NFRKB: variants seen among roughly 807,000 people sequenced by gnomAD.
NFRKB encodes the protein nuclear factor related to kappaB binding protein.
In NFRKB, 62 loss-of-function variants were observed where a neutral mutation model predicts 135.7. The ratio of observed to expected loss-of-function variants is 0.46; its 90% CI spans 0.37 to 0.56. NFRKB has a LOEUF of 0.56. Among genes scored for constraint, NFRKB ranks in the 20% least tolerant of loss-of-function variants. The pLI, the probability that NFRKB is intolerant of heterozygous loss-of-function variation, is 0.00. For missense variants in NFRKB, 1,545 were observed against 1,662.0 expected (o/e 0.93, Z 1.22); for synonymous variants, 678 against 635.6 (o/e 1.07, Z -1.00).
At chr11:129,868,581 G>A (rs1229164984) in intron 24 of NFRKB, among the ~76,000 whole-genome samples, 5 of 152,142 alleles carry the variant, frequency 3.3e-5, no homozygotes, top group Non-Finnish European at 7.3e-5. Context: ...CTTCAGAAAC[G>A]TTCACACATA....
chr11:129,894,761 G>C (rs1031209811), intron 1 of NFRKB, among the ~76,000 whole-genome samples: 2 of 152,226 alleles, frequency 1.3e-5, no homozygotes, highest in African/African-American at 4.8e-5. Context: ...CACATAGCAT[G>C]TGAGTTTAAC....
Position 129,873,939 on chromosome 11 carries a change from T to C in NFRKB, c.2356A>G (p.Ser786Gly). Residue 786 changes from serine to glycine, a missense_variant, in exon 22 of 27, where the codon AGT becomes GGT. Around this residue, in one of 3 missense-constraint regions of NFRKB, gnomAD observed 753 missense variants for 804.3 expected, o/e 0.94. Transcript: ENST00000682444. ...LSPASSQTAP[S>G]SQAAARVVSH... The stretch of plus-strand genomic sequence containing the variant: ...ACGACCCGGGCGGCAGCCTGAGAAC[T>C]GGGTGCAGTCTGGCTGGAAGCTGGG... 17 of 1,613,390 alleles carry C rather than the reference T, an allele frequency of 1.1e-5. No individual in the cohort carries two copies. Among genetic ancestry groups the C allele is most frequent in the Non-Finnish European group, 1.4e-5 (16 of 1,180,032 alleles).
intron 5 of NFRKB, among the ~76,000 whole-genome samples, chr11:129,885,873 C>T (rs971951108): frequency 2.0e-5 from 3 of 152,192 alleles, no homozygotes; most frequent in East Asian, 1.9e-4. Flanking sequence ...TACACCAAAG[C>T]TTAAAGGATG....
intron 11 of NFRKB, 61 bp downstream of exon 11, chr11:129,882,025 C>A: frequency 1.3e-6 from 2 of 1,484,884 alleles, no homozygotes; most frequent in Non-Finnish European, 1.8e-6. Context: ...AGCTATAGAC[C>A]ATTCAGGATT....
chr11:129,884,034 T>C (rs1949153891), intron 8 of NFRKB, 36 bp downstream of exon 8: 1 of 1,611,330 alleles, frequency 6.2e-7, no homozygotes, highest in Non-Finnish European at 8.5e-7. Flanking sequence ...GACATCAGGC[T>C]GAAAACCACA....
In NFRKB at chr11:129,883,125, C is replaced by A. The variant is rs995397897; in HGVS notation, c.898G>T (p.Ala300Ser). Residue 300 changes from alanine (A) to serine (S), a missense_variant, in exon 9 of 27, where the codon GCA becomes TCA. By Grantham distance (99) the Ala-to-Ser change is moderately conservative (BLOSUM62 1). Coordinates refer to ENST00000682444, the MANE Select transcript of NFRKB (RefSeq NM_001143835.2). Reference sequence around the variant, plus strand: ...CTAGAGGGGCCCAGTCATTTACCTGCCAGAGAGCCCTTCCTGCCAGCATTT... The same window carrying A: ...CTAGAGGGGCCCAGTCATTTACCTGACAGAGAGCCCTTCCTGCCAGCATTT... ...RVNAGRKGSL[A>S]ALYDLAVLKK... 1.9e-6 allele frequency: 3 copies of A among 1,613,978 alleles called. No individual in the cohort carries two copies. The highest frequency in any genetic ancestry group is 2.2e-5 in the East Asian group (1 of 44,878).
intron 3 of NFRKB, among the ~76,000 whole-genome samples, chr11:129,891,002 T>C (rs1261970719): frequency 1.3e-5 from 2 of 152,258 alleles, no homozygotes; most frequent in African/African-American, 2.4e-5. Flanking sequence ...ATAACATTTA[T>C]TCATTTCCCA....
intron 17 of NFRKB, among the ~76,000 whole-genome samples, chr11:129,876,372 C>A (rs1162397675): frequency 5.9e-5 from 9 of 152,164 alleles, no homozygotes; most frequent in African/African-American, 2.2e-4. Flanking sequence ...AGAAGGGGTC[C>A]ACAAGTTCCA....
chr11:129,874,177 G>A lies in NFRKB; in HGVS notation c.2215C>T (p.Pro739Ser). 1.3e-6 allele frequency: 2 copies of A among 1,522,090 alleles called. No homozygotes were observed. Among genetic ancestry groups the A allele is most frequent in the Non-Finnish European group, 1.8e-6 (2 of 1,136,656 alleles). 94.3% of individuals were successfully genotyped at this position (1,522,090 alleles called of 1,614,324 possible). A position where few individuals can be genotyped will look rare whatever the true frequency, so the allele number is the denominator to read the frequency against. Residue 739 changes from proline (P) to serine (S), a missense_variant, in exon 21 of 27, where the codon CCT becomes TCT. By Grantham distance (74) the Pro-to-Ser change is moderately conservative. Around this residue, in one of 3 missense-constraint regions of NFRKB, gnomAD observed 753 missense variants for 804.3 expected, o/e 0.94. Transcript: ENST00000682444. The surrounding 1 kb of genome is among the most constrained non-coding windows in gnomAD (Gnocchi z 4.5). ...ALPAIPISPP[P>S]VSAVNKSGPS... The stretch of plus-strand genomic sequence containing the variant: ...CCGCTTTTGTTCACTGCCGATACAG[G>A]TGGAGGGGAGATGGGAATGGCGGGC...
At chr11:129,871,074 C>T (rs1370800560) in intron 23 of NFRKB, among the ~76,000 whole-genome samples, 1 of 152,166 alleles carries the variant, frequency 6.6e-6, no homozygotes, top group Non-Finnish European at 1.5e-5. Flanking sequence ...ATGCTCAAGT[C>T]CCTTACACAA....
chr11:129,878,201 C>T (rs1948861595), intron 15 of NFRKB, 108 bp downstream of exon 15: 1 of 1,192,138 alleles, frequency 8.4e-7, no homozygotes, highest in African/African-American at 1.5e-5. Context: ...CCTCAGAGCT[C>T]TGAAGCCCAT....
chr11:129,884,887 G>T, intron 6 of NFRKB, 41 bp from the exon 7 acceptor site: 2 of 1,613,804 alleles, frequency 1.2e-6, no homozygotes, highest in South Asian at 1.1e-5. Context: ...ACGTGGCTGT[G>T]GACTCCAATA....
intron 5 of NFRKB, 68 bp from the exon 6 acceptor site, chr11:129,885,677 C>G: frequency 1.4e-6 from 2 of 1,443,218 alleles, no homozygotes; most frequent in Non-Finnish European, 1.9e-6. Flanking sequence ...GAACACTCTA[C>G]AAGTCTACAT....
chr11:129,878,182 C>A, intron 15 of NFRKB, 127 bp downstream of exon 15: 1 of 946,818 alleles, frequency 1.1e-6, no homozygotes, highest in Non-Finnish European at 1.6e-6. Context: ...CAGGAAGAAC[C>A]AGGGGACTCC....
At chr11:129,889,118 C>G (rs547274737) in intron 3 of NFRKB, among the ~76,000 whole-genome samples, 1 of 152,116 alleles carries the variant, frequency 6.6e-6, no homozygotes, top group South Asian at 2.1e-4. Context: ...CGCACCACCA[C>G]GCCTGCCTAT....
At chr11:129,882,919 C>T (rs1272388444) in intron 9 of NFRKB, among the ~76,000 whole-genome samples, 2 of 152,038 alleles carry the variant, frequency 1.3e-5, no homozygotes, top group Non-Finnish European at 2.9e-5. Flanking sequence ...AAGTATACAG[C>T]TTAATTTTAA....
At chr11:129,886,155 A>G (rs902039513) in intron 5 of NFRKB, among the ~76,000 whole-genome samples, 162 bp downstream of exon 5, 1 of 152,248 alleles carries the variant, frequency 6.6e-6, no homozygotes, top group African/African-American at 2.4e-5. Context: ...ACACATTTGA[A>G]GTTTATCATA....
intron 18 of NFRKB, 127 bp downstream of exon 18, chr11:129,875,230 T>C (rs1820108604): frequency 1.4e-5 from 12 of 848,100 alleles, no homozygotes; most frequent in Non-Finnish European, 1.8e-5. Context: ...TTGATCACTA[T>C]GCATTTTTCA....
At chr11:129,884,609 AAACAAAT>A in intron 7 of NFRKB, 129 bp downstream of exon 7, 1 of 1,027,726 alleles carries the variant, frequency 9.7e-7, no homozygotes, top group South Asian at 1.7e-5. Context: ...AAACTTTGCC[AAACAAAT>A]CACCTAGTTC....
Sources: gnomAD v4.1 joint callset for allele counts (sites outside exome capture counted in the v4.1 genomes callset) on GRCh38, gnomAD v4.1.1 for gene constraint, gnomAD v4.1.1 regional missense constraint, Gnocchi (gnomAD v3.1) non-coding constraint, MANE v1.5 for transcripts, NCBI Gene and HGNC (gene_info 2026-07-23, HGNC 2026-07-21) for gene names.